MACF1: variants seen among roughly 807,000 people sequenced by gnomAD.
MACF1 encodes the protein microtubule-actin cross-linking factor 1.
A neutral mutation model predicts 854.8 loss-of-function variants in MACF1; 193 were observed. That is an observed-to-expected ratio of 0.23 (90% CI 0.20 to 0.25). MACF1 has a LOEUF of 0.25. Ranked by LOEUF, MACF1 falls within the 10% of genes least tolerant of loss-of-function variation. The pLI is 1.00. For synonymous variants in MACF1, 3,185 were observed against 3,226.7 expected (o/e 0.99, Z 0.44); for missense variants, 7,722 against 8,929.1 (o/e 0.86, Z 5.45).
intron 2 of MACF1, among the ~76,000 whole-genome samples, chr1:39,178,842 C>A (rs1254526343): frequency 6.6e-6 from 1 of 152,180 alleles, no homozygotes; most frequent in Non-Finnish European, 1.5e-5. Context: ...TAAAAAATTT[C>A]TAACTGGTAA....
intron 6 of MACF1, chr1:39,268,556 G>A: frequency 8.5e-7 from 1 of 1,171,206 alleles, no homozygotes; most frequent in Non-Finnish European, 1.1e-6. Context: ...GGCGGGGAGG[G>A]AGGGAGAAAG....
intron 89 of MACF1, among the ~76,000 whole-genome samples, chr1:39,456,198 G>T (rs1403867649): frequency 2.0e-5 from 3 of 152,152 alleles, no homozygotes; most frequent in Non-Finnish European, 4.4e-5. Context: ...GTCGGGTGTG[G>T]TTGTGGTTGC....
chr1:39,263,969 T>G lies in MACF1; in HGVS notation c.528+5941T>G, dbSNP rs971826516. Among the ~76,000 whole-genome samples the G allele has an allele frequency of 2.0e-5, 3 of 151,934 alleles. No individual in the cohort carries two copies. The South Asian group carries it at 6.2e-4, about 32-fold the overall frequency. ...TTTGTATTTTTAGTAGAGATGGGGT[T>G]TCACCGTGTTAGCCAGGATGGTCTT... On this transcript the variant is annotated intron_variant, in intron 6 of 100. Coordinates refer to ENST00000564288, the MANE Select transcript of MACF1 (RefSeq NM_001394062.1).
chr1:39,368,337 C>T (rs748570401), intron 50 of MACF1, 23 bp downstream of exon 50: 1 of 1,603,222 alleles, frequency 6.2e-7, no homozygotes, highest in Non-Finnish European at 8.5e-7. Flanking sequence ...TTGTGTTGGT[C>T]AGCATTGGGG....
chr1:39,439,290 G>T lies in MACF1; in HGVS notation c.18237G>T (p.Leu6079Phe). 3 of 1,610,482 alleles carry T rather than the reference G, an allele frequency of 1.9e-6. No homozygotes were observed. The highest frequency in any genetic ancestry group is 2.5e-6 in the Non-Finnish European group (3 of 1,176,830). The change falls in exon 72 of 101, where the codon TTG becomes TTT. Residue 6079 changes from leucine to phenylalanine, a missense_variant. Physicochemically the swap from Leu to Phe is conservative, Grantham distance 22. Transcript: ENST00000564288. ...CCTCCTCAGAAATCCAGGATAAATTGGATCAAATGGTATTCTTCTGGGAGG... is the reference window on the plus strand; with the variant it reads ...CCTCCTCAGAAATCCAGGATAAATTTGATCAAATGGTATTCTTCTGGGAGG... ...DLAAKEIQDK[L>F]DQMVFFWEDI...
intron 31 of MACF1, 84 bp from the exon 32 acceptor site, chr1:39,322,524 A>C: frequency 8.2e-7 from 1 of 1,217,308 alleles, no homozygotes; most frequent in Non-Finnish European, 1.2e-6. Context: ...AAACGCTTCC[A>C]GCAATAAAAA....
At chr1:39,243,019 CA>C (rs1644943175) in intron 2 of MACF1, among the ~76,000 whole-genome samples, 1 of 152,326 alleles carries the variant, frequency 6.6e-6, no homozygotes, top group African/African-American at 2.4e-5. Context: ...TAGTAACCAT[CA>C]CATTATTTTC....
In MACF1 at chr1:39,410,866, A is replaced by G. The variant is rs752490879; in HGVS notation, c.15817-11508A>G. 1.7e-5 allele frequency: 27 copies of G among 1,614,064 alleles called. No homozygotes were observed. In the Middle Eastern group the frequency reaches 1.2e-3, roughly 69 times the overall value. ...AACTCTGGAACATGTGTCCAAATCC[A>G]TAGGTATTCCAGAGGTGCAAGATTT... On this transcript the variant is annotated intron_variant, in intron 58 of 100. Transcript: ENST00000564288.
chr1:39,286,429 A>G (rs1267089761), intron 14 of MACF1, among the ~76,000 whole-genome samples: 1 of 152,134 alleles, frequency 6.6e-6, no homozygotes, highest in Non-Finnish European at 1.5e-5. Flanking sequence ...AGACCCACAG[A>G]AGATGAAAAT....
At chr1:39,185,623 C>T (rs945899650) in intron 2 of MACF1, among the ~76,000 whole-genome samples, 2 of 152,090 alleles carry the variant, frequency 1.3e-5, no homozygotes, top group African/African-American at 4.8e-5. Flanking sequence ...TTTCTTGACA[C>T]AGTCTTTAAT....
chr1:39,318,343 CGTTTGTGGT>C, intron 29 of MACF1, 101 bp from the exon 30 acceptor site: 2 of 917,960 alleles, frequency 2.2e-6, no homozygotes, highest in Non-Finnish European at 3.3e-6. Context: ...AAAGATGGAT[CGTTTGTGGT>C]CAAGCCCAGC....
At chr1:39,263,331 C>T (rs1645187039) in intron 6 of MACF1, among the ~76,000 whole-genome samples, 1 of 152,134 alleles carries the variant, frequency 6.6e-6, no homozygotes, top group African/African-American at 2.4e-5. Flanking sequence ...TTGATAACTT[C>T]ATGCAGAGGT....
chr1:39,463,033 A>C (rs1038321717), intron 93 of MACF1, among the ~76,000 whole-genome samples: 1 of 152,220 alleles, frequency 6.6e-6, no homozygotes, highest in African/African-American at 2.4e-5. Flanking sequence ...TTTTCTCTGA[A>C]GGAGTTTTGA....
intron 58 of MACF1, among the ~76,000 whole-genome samples, chr1:39,397,560 CAA>C (rs1289604143): frequency 4.6e-5 from 6 of 131,160 alleles, no homozygotes; most frequent in Admixed American, 7.7e-5. Flanking sequence ...AACTTCGTTC[CAA>C]AAAAAAAAAA....
Position 39,204,757 on chromosome 1 carries a change from C to T in MACF1, c.-266C>T. 2 of 396,068 alleles carry T rather than the reference C, an allele frequency of 5.0e-6. No homozygotes were observed. Among genetic ancestry groups the T allele is most frequent in the South Asian group, 7.1e-5 (2 of 28,112 alleles). 24.5% of individuals were successfully genotyped at this position (396,068 alleles called of 1,614,324 possible). A position where few individuals can be genotyped will look rare whatever the true frequency, so the allele number is the denominator to read the frequency against. On this transcript the variant is annotated 5_prime_UTR_variant, in exon 1 of 101. Coordinates refer to ENST00000564288, the MANE Select transcript of MACF1 (RefSeq NM_001394062.1). ...CTTTTCACTCTCCTTGTTCCTTCTT[C>T]CCTTTCCCCTCCCCCGCTGGCCAGT...
At chr1:39,377,265 G>C (rs1026204585) in intron 52 of MACF1, among the ~76,000 whole-genome samples, 1 of 151,544 alleles carries the variant, frequency 6.6e-6, no homozygotes, top group Non-Finnish European at 1.5e-5. Context: ...ACCCACCTCA[G>C]CCTCCCAAAG....
Position 39,448,735 on chromosome 1 carries a change from G to A in MACF1, c.20230G>A (p.Asp6744Asn). 1 of 1,612,834 alleles carries A rather than the reference G, an allele frequency of 6.2e-7. No individual in the cohort carries two copies. Among genetic ancestry groups the A allele is most frequent in the Non-Finnish European group, 8.5e-7 (1 of 1,179,328 alleles). The part of the protein sequence containing the change: ...NFLGEVRDKW[D>N]TVCGKSVERQ... ...CCTAGGAGAAGTCAGAGACAAATGG[G>A]ATACTGTTTGTGGCAAGTCTGTGGA... The change falls in exon 84 of 101, where the codon GAT becomes AAT. Residue 6744 changes from aspartate to asparagine, a missense_variant. This residue lies in a region of MACF1 where 729 missense variants were observed against 900.5 expected (regional missense o/e 0.81). Transcript: ENST00000564288.
chr1:39,300,162 C>A, intron 21 of MACF1, 48 bp from the exon 22 acceptor site: 4 of 1,593,242 alleles, frequency 2.5e-6, no homozygotes, highest in Admixed American at 1.7e-5. Flanking sequence ...ACTTAGTCAC[C>A]CTGAGTAGCA....
intron 2 of MACF1, among the ~76,000 whole-genome samples, chr1:39,235,365 CG>C (rs2148313568): frequency 6.6e-6 from 1 of 152,310 alleles, no homozygotes; most frequent in African/African-American, 2.4e-5. Context: ...CGTGGTGGCG[CG>C]AGCCTGCAAT....
Sources: gnomAD v4.1 joint callset for allele counts (sites outside exome capture counted in the v4.1 genomes callset) on GRCh38, gnomAD v4.1.1 for gene constraint, gnomAD v4.1.1 regional missense constraint, MANE v1.5 for transcripts, NCBI Gene and HGNC (gene_info 2026-07-23, HGNC 2026-07-21) for gene names.